ZSCAN10: variants seen among roughly 807,000 people sequenced by gnomAD.
ZSCAN10 encodes zinc finger and SCAN domain-containing protein 10.
ZSCAN10 carries 52 observed loss-of-function variants against 63.7 expected under a neutral mutation model. The observed-to-expected ratio is 0.82, with a 90% CI of 0.65 to 1.03. The LOEUF (loss-of-function observed/expected upper bound fraction) is 1.03, where lower values mean the gene tolerates loss of function less well. ZSCAN10 is among the 50% of genes least tolerant of loss of function. ZSCAN10 has a pLI of 0.00. For synonymous variants in ZSCAN10, 544 were observed against 479.6 expected, an observed-to-expected ratio of 1.13 and a Z score of -1.76; for missense variants, 1,223 against 1,103.8, an observed-to-expected ratio of 1.11 and a Z score of -1.53.
chr16:3,093,118 A>C, intron 1 of ZSCAN10, 114 bp from the exon 2 acceptor site: 107 of 777,940 alleles, frequency 1.4e-4, no homozygotes, highest in Non-Finnish European at 1.7e-4. Context: ...CGCTTTTCTC[A>C]CTGGGTAATG....
At chr16:3,093,134 C>T (rs1326522118) in intron 1 of ZSCAN10, 130 bp from the exon 2 acceptor site, 8 of 637,532 alleles carry the variant, frequency 1.3e-5, no homozygotes, top group East Asian at 3.4e-5. Flanking sequence ...TAATGGCTCA[C>T]GAGGGCAGGA....
chr16:3,093,681 T>C (rs1388612448), intron 1 of ZSCAN10, among the ~76,000 whole-genome samples: 2 of 105,368 alleles, frequency 1.9e-5, no homozygotes, highest in East Asian at 2.7e-4. Flanking sequence ...TAAAGCTTTT[T>C]TTTTTCTTTT....
At chr16:3,097,576 G>A (rs557469198) in intron 1 of ZSCAN10, among the ~76,000 whole-genome samples, 1 of 152,284 alleles carries the variant, frequency 6.6e-6, no homozygotes, top group South Asian at 2.1e-4. Context: ...GCATGTGTGA[G>A]AGTGTAACCA....
Position 3,092,635 on chromosome 16 carries a change from C to T in ZSCAN10, c.303G>A (p.Leu101=), listed in dbSNP as rs1466873473. 6.2e-7 allele frequency: 1 copy of T among 1,610,388 alleles called. No homozygotes were observed. Among genetic ancestry groups the T allele is most frequent in the African/African-American group, 1.3e-5 (1 of 75,022 alleles). The change falls in exon 2 of 6, where the codon CTG becomes CTA. Residue 101 remains leucine (L), a synonymous_variant. Coordinates refer to ENST00000576985, the MANE Select transcript of ZSCAN10 (RefSeq NM_032805.3). ...TGAGCGGCTGCCCCTGCAGGCGGCC[C>T]AGGAGGTGCGGAGGCAGCACACTCA... ...QFLSVLPPHL[L]GRLQGQPLRD... is the part of the protein sequence containing the mutation.
intron 2 of ZSCAN10, 104 bp downstream of exon 2, chr16:3,092,438 G>A: frequency 1.3e-6 from 2 of 1,485,332 alleles, no homozygotes; most frequent in Non-Finnish European, 1.8e-6. Flanking sequence ...AGGTGAAGAA[G>A]GAATGGTCAG....
intron 1 of ZSCAN10, among the ~76,000 whole-genome samples, chr16:3,096,273 A>G (rs1367687082): frequency 6.6e-6 from 1 of 152,200 alleles, no homozygotes; most frequent in Non-Finnish European, 1.5e-5. Context: ...TATTTCAGGC[A>G]GGGGTCATTT....
Position 3,090,050 on chromosome 16 carries a change from A to C in ZSCAN10, c.1384T>G (p.Cys462Gly), listed in dbSNP as rs752513532. The change falls in exon 6 of 6, where the codon TGC (cysteine) becomes GGC (glycine). Residue 462 changes from cysteine to glycine, a missense_variant. Transcript: ENST00000576985. ...LAHAQDQKPP[C>G]APESKAEAPP... ...GCTTCGGCCTTACTCTCAGGAGCGC[A>C]GGGCGGCTTCTGGTCCTGGGCGTGC... The C allele has an allele frequency of 6.2e-7, 1 of 1,603,148 alleles. No homozygotes were observed. The highest frequency in any genetic ancestry group is 8.5e-7 in the Non-Finnish European group (1 of 1,177,968).
Position 3,088,956 on chromosome 16 carries a change from G to T in ZSCAN10, c.*135C>A, listed in dbSNP as rs1027827121. ...AGCTGAGGCCAGAAAGCAATGCCTC[G>T]GCCAGGGAAGGACAGCTGTGAAAGT... On this transcript the variant is annotated 3_prime_UTR_variant, in exon 6 of 6. Transcript: ENST00000576985. 1.5e-6 allele frequency: 2 copies of T among 1,363,766 alleles called. No individual in the cohort carries two copies. Among genetic ancestry groups the T allele is most frequent in the Non-Finnish European group, 1.9e-6 (2 of 1,063,480 alleles). 84.5% of individuals were successfully genotyped at this position (1,363,766 alleles called of 1,614,324 possible).
At chr16:3,095,645 G>A (rs921559044) in intron 1 of ZSCAN10, among the ~76,000 whole-genome samples, 13 of 151,848 alleles carry the variant, frequency 8.6e-5, no homozygotes, top group Admixed American at 6.6e-4. Flanking sequence ...TGGTTAACAC[G>A]GTGAAACCCC....
chr16:3,095,066 C>A (rs984537278), intron 1 of ZSCAN10, among the ~76,000 whole-genome samples: 1 of 152,062 alleles, frequency 6.6e-6, no homozygotes, highest in Non-Finnish European at 1.5e-5. Context: ...CTTTCAAGTT[C>A]TCTGGATGTT....
chr16:3,098,982 G>A (rs964015255), intron 1 of ZSCAN10, among the ~76,000 whole-genome samples: 1 of 152,164 alleles, frequency 6.6e-6, no homozygotes, highest in Admixed American at 6.6e-5. Flanking sequence ...GAAGTTCTGC[G>A]ATCTCCCTCG....
chr16:3,091,712 G>T (rs12935803), intron 4 of ZSCAN10, 52 bp downstream of exon 4: 3 of 1,595,468 alleles, frequency 1.9e-6, no homozygotes, highest in South Asian at 1.1e-5. Context: ...AAAACTACAG[G>T]GTAGAGAAGT....
intron 1 of ZSCAN10, among the ~76,000 whole-genome samples, chr16:3,095,998 CA>C (rs1276865912): frequency 6.6e-6 from 1 of 152,042 alleles, no homozygotes; most frequent in Non-Finnish European, 1.5e-5. Context: ...CAGCCCGTCT[CA>C]AAAAATAAAA....
At chr16:3,091,742 C>T (rs1957079355) in intron 4 of ZSCAN10, 22 bp downstream of exon 4, 2 of 1,578,286 alleles carry the variant, frequency 1.3e-6, no homozygotes, top group Non-Finnish European at 8.6e-7. Flanking sequence ...TTGAGGACAC[C>T]CTGGGGTGCG....
chr16:3,089,403 C>A lies in ZSCAN10; in HGVS notation c.2031G>T (p.Leu677=), dbSNP rs1169973164. Reference sequence around the variant, plus strand: ...CCGTGTGGCTGCGGCGATGGCGGGCCAGGTTGGAGCTATTGCGGAAACGGT... The same window carrying A: ...CCGTGTGGCTGCGGCGATGGCGGGCAAGGTTGGAGCTATTGCGGAAACGGT... ...CGHRFRNSSN[L]ARHRRSHTGE... Residue 677 remains leucine (L), a synonymous_variant, in exon 6 of 6, where the codon CTG becomes CTT. Coordinates refer to ENST00000576985, the MANE Select transcript of ZSCAN10 (RefSeq NM_032805.3). 6.2e-7 allele frequency: 1 copy of A among 1,604,364 alleles called. No homozygotes were observed.
chr16:3,088,909 A>G lies in ZSCAN10; in HGVS notation c.*182T>C. On this transcript the variant is annotated 3_prime_UTR_variant, in exon 6 of 6. Coordinates refer to ENST00000576985, the MANE Select transcript of ZSCAN10 (RefSeq NM_032805.3). ...GGGCCATTTTGGAGAAGGCCATTTT[A>G]CTTCGGGCGTTTTAATTACATAGCT... 8.2e-7 allele frequency: 1 copy of G among 1,216,538 alleles called. No homozygotes were observed. Among genetic ancestry groups the G allele is most frequent in the Non-Finnish European group, 1.1e-6 (1 of 940,332 alleles). The allele number at this position is 1,216,538 out of a possible 1,614,324, so 75.4% of individuals were successfully genotyped here.
chr16:3,095,564 G>A (rs1032280512), intron 1 of ZSCAN10, among the ~76,000 whole-genome samples: 3 of 150,180 alleles, frequency 2.0e-5, no homozygotes, highest in Non-Finnish European at 4.4e-5. Context: ...GCACTGAGTG[G>A]CTGACGCCTG....
chr16:3,095,479 T>C (rs2151218170), intron 1 of ZSCAN10, among the ~76,000 whole-genome samples: 1 of 147,132 alleles, frequency 6.8e-6, no homozygotes, highest in African/African-American at 2.6e-5. Flanking sequence ...ATCATGCCAC[T>C]GCACTCCAGC....
chr16:3,089,016 A>C lies in ZSCAN10; in HGVS notation c.*75T>G. The C allele has an allele frequency of 2.1e-5, 30 of 1,406,196 alleles. No individual in the cohort carries two copies. Among genetic ancestry groups the C allele is most frequent in the Non-Finnish European group, 2.8e-5 (30 of 1,088,946 alleles). The allele number at this position is 1,406,196 out of a possible 1,614,324, so 87.1% of individuals were successfully genotyped here. A position where few individuals can be genotyped will look rare whatever the true frequency, so the allele number is the denominator to read the frequency against. On this transcript the variant is annotated 3_prime_UTR_variant, in exon 6 of 6. Transcript: ENST00000576985. ...GGGAAGTGGGGTGTGGTGGGAAGGG[A>C]CATTCCTGCAGGCCTCCGCTGTGGA...
Sources: gnomAD v4.1 joint callset for allele counts (sites outside exome capture counted in the v4.1 genomes callset) on GRCh38, gnomAD v4.1.1 for gene constraint, MANE v1.5 for transcripts, NCBI Gene and HGNC (gene_info 2026-07-23, HGNC 2026-07-21) for gene names.